BLTP3B: variants seen among roughly 807,000 people sequenced by gnomAD.
The protein encoded by BLTP3B is UHRF1 (ICBP90) binding protein 1-like.
At chr12:100,082,458 C>T in the BLTP3B span, among the ~76,000 whole-genome samples, 1 of 152,206 alleles carries the variant, frequency 6.6e-6, no homozygotes, top group Non-Finnish European at 1.5e-5. Flanking sequence ...CTCATGAGAT[C>T]TTGGCCGAGG....
the BLTP3B span, among the ~76,000 whole-genome samples, chr12:100,104,527 T>C: frequency 1.1e-5 from 1 of 92,496 alleles, no homozygotes; most frequent in African/African-American, 7.1e-5. Context: ...TTTAAGTATC[T>C]TTTTTTTTTT....
At chr12:100,040,540 G>A in the BLTP3B span, among the ~76,000 whole-genome samples, 3 of 152,124 alleles carry the variant, frequency 2.0e-5, no homozygotes, top group Non-Finnish European at 1.5e-5. Context: ...AATTAACCAG[G>A]CATGATGGTG....
chr12:100,115,116 T>C, the BLTP3B span, among the ~76,000 whole-genome samples: 2 of 152,212 alleles, frequency 1.3e-5, no homozygotes, highest in African/African-American at 2.4e-5. Context: ...TCTTTTAAAA[T>C]AGTGATCGGC....
chr12:100,081,242 G>A, the BLTP3B span, among the ~76,000 whole-genome samples: 4 of 152,144 alleles, frequency 2.6e-5, no homozygotes, highest in Non-Finnish European at 4.4e-5. Context: ...AAAAGACTCT[G>A]CCTTATGCAT....
At chr12:100,113,677 G>C in the BLTP3B span, among the ~76,000 whole-genome samples, 1 of 151,790 alleles carries the variant, frequency 6.6e-6, no homozygotes, top group Non-Finnish European at 1.5e-5. Context: ...TAAGATATAG[G>C]CCAGACAGGT....
chr12:100,107,010 C>A, the BLTP3B span, among the ~76,000 whole-genome samples: 3 of 151,916 alleles, frequency 2.0e-5, no homozygotes, highest in Non-Finnish European at 4.4e-5. Context: ...AGAGGTCAGC[C>A]GGGCACGGTG....
the BLTP3B span, among the ~76,000 whole-genome samples, chr12:100,140,841 C>T: frequency 7.0e-6 from 1 of 143,594 alleles, no homozygotes; most frequent in Admixed American, 7.1e-5. Context: ...CATCTTTGTT[C>T]TTAATTTTTT....
chr12:100,085,365 T>G, the BLTP3B span, among the ~76,000 whole-genome samples: 106 of 151,926 alleles, frequency 7.0e-4, 3 homozygotes, highest in East Asian at 0.018. Context: ...AAAAGAAAAT[T>G]TACTCTATGA....
chr12:100,142,482 G>C, the BLTP3B span: 8 of 1,229,590 alleles, frequency 6.5e-6, no homozygotes, highest in Admixed American at 2.2e-5. Flanking sequence ...GAAGTCCGAA[G>C]GTCGCCTCCC....
the BLTP3B span, among the ~76,000 whole-genome samples, chr12:100,140,729 AATATAT>A: frequency 3.6e-3 from 221 of 61,448 alleles, 5 homozygotes; most frequent in Non-Finnish European, 4.0e-3. Flanking sequence ...AAAAAAAAAA[AATATAT>A]ATATATATAT....
At chr12:100,137,531 CTG>C in the BLTP3B span, among the ~76,000 whole-genome samples, 1 of 152,136 alleles carries the variant, frequency 6.6e-6, no homozygotes, top group Non-Finnish European at 1.5e-5. Flanking sequence ...GTTTCCCAGA[CTG>C]ATCTCAAACT....
chr12:100,047,380 C>T, the BLTP3B span: 2 of 525,890 alleles, frequency 3.8e-6, no homozygotes, highest in South Asian at 4.3e-5. Context: ...CACCTGTAAT[C>T]CCAGCTACTC....
the BLTP3B span, chr12:100,051,274 C>G: frequency 6.5e-7 from 1 of 1,531,850 alleles, no homozygotes; most frequent in Non-Finnish European, 8.9e-7. Flanking sequence ...TACACATGAT[C>G]TAACACTGTA....
chr12:100,095,628 T>C, the BLTP3B span: 9 of 1,572,110 alleles, frequency 5.7e-6, no homozygotes, highest in African/African-American at 8.3e-5. Flanking sequence ...ACTATTTTCA[T>C]GTAAAGTAAG....
chr12:100,086,767 G>T, the BLTP3B span, among the ~76,000 whole-genome samples: 4 of 152,146 alleles, frequency 2.6e-5, no homozygotes, highest in South Asian at 8.3e-4. Context: ...GGAAACTGAG[G>T]CACAAAGAGG....
the BLTP3B span, chr12:100,089,109 A>G: frequency 6.8e-7 from 1 of 1,480,902 alleles, no homozygotes; most frequent in Non-Finnish European, 9.0e-7. Flanking sequence ...AAAAGATTCG[A>G]AACTGCCTTA....
chr12:100,088,960 G>A, the BLTP3B span: 22 of 1,595,002 alleles, frequency 1.4e-5, no homozygotes, highest in African/African-American at 1.4e-4. Context: ...AGATCTAGAT[G>A]AGAAATCACT....
chr12:100,046,069 G>T, the BLTP3B span, among the ~76,000 whole-genome samples: 1 of 152,086 alleles, frequency 6.6e-6, no homozygotes, highest in South Asian at 2.1e-4. Context: ...TAAAAAGTCA[G>T]GGAACAACAG....
the BLTP3B span, among the ~76,000 whole-genome samples, chr12:100,126,426 T>C: frequency 3.3e-5 from 5 of 151,684 alleles, no homozygotes; most frequent in East Asian, 7.8e-4. Context: ...CTAAGAAGAC[T>C]GCTCATGGTT....
Sources: gnomAD v4.1 joint callset for allele counts (sites outside exome capture counted in the v4.1 genomes callset) on GRCh38, gnomAD v4.1.1 for gene constraint, MANE v1.5 for transcripts, NCBI Gene and HGNC (gene_info 2026-07-23, HGNC 2026-07-21) for gene names.